The following POU2F2 variants were observed in gnomAD, a reference collection of about 807,000 sequenced individuals.
POU2F2 encodes POU domain, class 2, transcription factor 2.
A neutral mutation model predicts 63.5 loss-of-function variants in POU2F2; 14 were observed. The observed-to-expected ratio is 0.22, with a 90% CI of 0.15 to 0.34. The LOEUF (loss-of-function observed/expected upper bound fraction) is 0.34. POU2F2 is among the 10% of genes least tolerant of loss of function. POU2F2 has a pLI of 1.00. For synonymous variants in POU2F2, 306 were observed against 348.6 expected (o/e 0.88, Z 1.36); for missense variants, 607 against 815.2 (o/e 0.74, Z 3.11).
chr19:42,190,581 C>T (rs1446023689), intron 1 of POU2F2, among the ~76,000 whole-genome samples: 2 of 151,952 alleles, frequency 1.3e-5, no homozygotes, highest in Admixed American at 6.6e-5. Flanking sequence ...GGGCTGGGCA[C>T]GATGGCTCAC....
At chr19:42,135,531 A>G (rs1276821930), upstream of POU2F2, among the ~76,000 whole-genome samples, 1 of 151,984 alleles carries the variant, frequency 6.6e-6, no homozygotes, top group Non-Finnish European at 1.5e-5. Context: ...CTGCAGGGCC[A>G]TGTGGTCCCC....
In POU2F2 at chr19:42,153,625, C is replaced by T. The variant is rs553309232; in HGVS notation, c.-9+6707G>A. Among the ~76,000 whole-genome samples, 40 of 152,190 alleles carry T rather than the reference C, an allele frequency of 2.6e-4. 1 individual carries two copies. The South Asian group carries it at 8.3e-3, about 32-fold the overall frequency. ...CTATGTGTACTGGAAGCAGGTTCTC[C>T]TCATGAGTGTCGGAGAGTCCATGCG... is the stretch of plus-strand genomic sequence containing the variant. On this transcript the variant is annotated intron_variant, in intron 2 of 6. Transcript: ENST00000524801. The surrounding 1 kb of genome is among the most constrained non-coding windows in gnomAD (Gnocchi z 5.6).
chr19:42,123,815 T>C (rs974278862), intron 1 of POU2F2, among the ~76,000 whole-genome samples: 3 of 152,122 alleles, frequency 2.0e-5, no homozygotes, highest in African/African-American at 7.2e-5. Context: ...CTTAGTCCAC[T>C]TACTCACCTT....
At position 42,118,163 on chromosome 19, in the gene POU2F2, G is replaced by A. The variant is rs377134593; in HGVS notation, c.187-731C>T. Among the ~76,000 whole-genome samples, 15 of 152,280 alleles carry A rather than the reference G, an allele frequency of 9.9e-5. No homozygotes were observed. In the South Asian group the frequency reaches 3.1e-3, roughly 32 times the overall value. ...TGGTCTTGAACTCCTAGGCTCAAGC[G>A]ATCCTCCTGCCTTGGCCTCCCAAAA... On this transcript the variant is annotated intron_variant, in intron 4 of 14. Coordinates refer to ENST00000692977, the MANE Select transcript of POU2F2 (RefSeq NM_001394376.1).
intron 7 of POU2F2, among the ~76,000 whole-genome samples, chr19:42,097,195 T>C (rs1168515632): frequency 1.4e-5 from 2 of 146,614 alleles, no homozygotes; most frequent in Non-Finnish European, 3.0e-5. Flanking sequence ...TTTTTCAGTT[T>C]TTTTTTTTTT....
Position 42,169,939 on chromosome 19 carries a change from G to T in POU2F2, c.-70+6024C>A, listed in dbSNP as rs2034726850. On this transcript the variant is annotated intron_variant, in intron 1 of 6. Transcript: ENST00000524801. This position sits in a 1 kb window ranked among gnomAD's most constrained non-coding sequence, Gnocchi z 4.3. ...GGGGAGGGGGCCGGGGTGTCAGCGA[G>T]CTCCTGTGTCACAAGGTTAATTTCT... 6.6e-6 allele frequency among the ~76,000 whole-genome samples: 1 copy of T among 152,068 alleles called. No individual in the cohort carries two copies. The highest frequency in any genetic ancestry group is 2.4e-5 in the African/African-American group (1 of 41,404).
intron 2 of POU2F2, chr19:42,157,041 A>T (rs2034470450): frequency 6.6e-6 from 1 of 152,254 alleles, no homozygotes; most frequent in Admixed American, 6.5e-5. Context: ...TTGTGGAAGG[A>T]TGGAAGGACA....
chr19:42,115,958 G>A lies in POU2F2; in HGVS notation c.369+1292C>T, dbSNP rs551112215. Among the ~76,000 whole-genome samples, 10 of 152,316 alleles carry A rather than the reference G, an allele frequency of 6.6e-5. No individual in the cohort carries two copies. The South Asian group carries it at 2.1e-3, about 32-fold the overall frequency. ...GTGACGACAGAGGAGGCAGAGATTG[G>A]AGTGAGCCATCTACTAAGCTATGGA... On this transcript the variant is annotated intron_variant, in intron 5 of 14. Transcript: ENST00000692977.
At chr19:42,194,958 A>G (rs1385765400) in intron 1 of POU2F2, among the ~76,000 whole-genome samples, 1 of 90,518 alleles carries the variant, frequency 1.1e-5, no homozygotes, top group Non-Finnish European at 2.2e-5. Context: ...AGGGAAGGAA[A>G]TGAAGGAGGG....
intron 1 of POU2F2, among the ~76,000 whole-genome samples, chr19:42,187,913 C>T (rs1599731828): frequency 6.6e-6 from 1 of 152,034 alleles, no homozygotes; most frequent in Non-Finnish European, 1.5e-5. Flanking sequence ...GTGACCCCTG[C>T]CTCCTGATAC....
intron 5 of POU2F2, among the ~76,000 whole-genome samples, chr19:42,116,413 T>G (rs916986063): frequency 2.6e-5 from 4 of 152,066 alleles, no homozygotes; most frequent in African/African-American, 9.7e-5. Flanking sequence ...AGGACAACAA[T>G]CTCAACCTCC....
intron 1 of POU2F2, among the ~76,000 whole-genome samples, chr19:42,171,730 C>A (rs1191790935): frequency 6.6e-6 from 1 of 152,082 alleles, no homozygotes; most frequent in African/African-American, 2.4e-5. Flanking sequence ...GGGGAGGGTC[C>A]CCAGTCTGCT....
rs540066213 is a variant in POU2F2 at position 42,117,602 on chromosome 19, C to A, written c.187-170G>T. On this transcript the variant is annotated intron_variant, in intron 4 of 14. Transcript: ENST00000692977. This position sits in a 1 kb window ranked among gnomAD's most constrained non-coding sequence, Gnocchi z 4.4. ...CCTCATCAATCAGATAGGGCTAACACAACACCTGCACCCAAACTCCCTACA... is the reference window on the plus strand; with the variant it reads ...CCTCATCAATCAGATAGGGCTAACAAAACACCTGCACCCAAACTCCCTACA... Among the ~76,000 whole-genome samples, 1 of 152,240 alleles carries A rather than the reference C, an allele frequency of 6.6e-6. No homozygotes were observed. Among genetic ancestry groups the A allele is most frequent in the Admixed American group, 6.5e-5 (1 of 15,298 alleles).
intron 1 of POU2F2, among the ~76,000 whole-genome samples, chr19:42,163,739 T>C (rs551195306): frequency 6.6e-6 from 1 of 152,314 alleles, no homozygotes; most frequent in South Asian, 2.1e-4. Context: ...CAAGCCTCAA[T>C]GTCTTCATTT....
intron 2 of POU2F2, among the ~76,000 whole-genome samples, chr19:42,157,695 A>C (rs138744604): frequency 1.3e-5 from 2 of 152,340 alleles, no homozygotes; most frequent in East Asian, 3.9e-4. Flanking sequence ...ATACGGTGAT[A>C]GTGCTCAGGA....
At chr19:42,194,959 TGAA>T (rs1191177492) in intron 1 of POU2F2, among the ~76,000 whole-genome samples, 1 of 45,348 alleles carries the variant, frequency 2.2e-5, no homozygotes, top group Admixed American at 3.1e-4. Context: ...GGGAAGGAAA[TGAA>T]GGAGGGGGGA....
At chr19:42,097,603 A>C (rs2076972183) in intron 7 of POU2F2, among the ~76,000 whole-genome samples, 1 of 152,010 alleles carries the variant, frequency 6.6e-6, no homozygotes, top group South Asian at 2.1e-4. Flanking sequence ...TGAGCACAGG[A>C]ATTTGAGACT....
intron 4 of POU2F2, among the ~76,000 whole-genome samples, chr19:42,119,133 A>G (rs927582468): frequency 6.6e-5 from 10 of 151,624 alleles, no homozygotes; most frequent in African/African-American, 1.9e-4. Flanking sequence ...TTAAAAAAAA[A>G]AGAGAGAGAG....
intron 4 of POU2F2, 107 bp downstream of exon 4, chr19:42,122,019 A>T: frequency 8.4e-7 from 1 of 1,191,088 alleles, no homozygotes; most frequent in African/African-American, 1.5e-5. Flanking sequence ...CCTCGTTACC[A>T]AGGTACCAAG....
Sources: allele counts gnomAD v4.1 joint callset (sites outside exome capture counted in the v4.1 genomes callset), GRCh38; gene constraint gnomAD v4.1.1; non-coding constraint Gnocchi (gnomAD v3.1); transcripts MANE v1.5; gene names NCBI Gene and HGNC (gene_info 2026-07-23, HGNC 2026-07-21).